Variants in DGKB observed in about 807,000 individuals in gnomAD.
The protein encoded by DGKB is 90 kDa diacylglycerol kinase.
A neutral mutation model predicts 114.3 loss-of-function variants in DGKB; 67 were observed. The observed-to-expected ratio is 0.59, with a 90% confidence interval of 0.48 to 0.72. DGKB has a LOEUF of 0.72. DGKB is among the 30% of genes least tolerant of loss of function. DGKB has a pLI of 0.00. For missense variants in DGKB, 907 were observed against 975.2 expected (o/e 0.93, Z 0.93); for synonymous variants, 398 against 323.1 (o/e 1.23, Z -2.49).
At chr7:14,932,495 A>G (rs36864) in intron 1 of DGKB, among the ~76,000 whole-genome samples, 19,277 of 152,250 alleles carry the variant, frequency 0.13, 1,654 homozygotes, top group Non-Finnish European at 0.19. Context: ...GAACATCATT[A>G]GTCAGATTAT....
intron 13 of DGKB, among the ~76,000 whole-genome samples, chr7:14,670,413 C>T (rs1319549198): frequency 1.3e-5 from 2 of 151,898 alleles, no homozygotes; most frequent in Non-Finnish European, 2.9e-5. Context: ...AGCGATTCCC[C>T]TGCCTCAGCC....
At chr7:14,205,103 G>T (rs6950022) in intron 23 of DGKB, among the ~76,000 whole-genome samples, 69,779 of 151,512 alleles carry the variant, frequency 0.46, 18,893 homozygotes, top group African/African-American at 0.76. Flanking sequence ...TAACAGCTAG[G>T]AAAATGTGAA....
chr7:14,471,700 C>T (rs2128890924), intron 21 of DGKB, among the ~76,000 whole-genome samples: 1 of 152,000 alleles, frequency 6.6e-6, no homozygotes, highest in African/African-American at 2.4e-5. Context: ...AGAATGAAGA[C>T]TCACTCTACA....
intron 23 of DGKB, among the ~76,000 whole-genome samples, chr7:14,236,459 A>T (rs1403602041): frequency 2.0e-5 from 3 of 151,932 alleles, no homozygotes. Flanking sequence ...TAATAACACT[A>T]AAGAAGAAAA....
chr7:14,402,067 T>G (rs1271517257), intron 21 of DGKB, among the ~76,000 whole-genome samples: 1 of 151,732 alleles, frequency 6.6e-6, no homozygotes. Context: ...TACTACAGAT[T>G]CTTGGGCAGG....
chr7:14,433,248 T>C (rs994018555), intron 21 of DGKB, among the ~76,000 whole-genome samples: 3 of 152,202 alleles, frequency 2.0e-5, no homozygotes, highest in Non-Finnish European at 4.4e-5. Flanking sequence ...TGAGATTAGC[T>C]GATGCCTTTT....
Position 14,580,918 on chromosome 7 carries a change from G to C in DGKB, c.1553C>G (p.Ala518Gly), listed in dbSNP as rs371813279. ...KANVGKHPPVAILPLGTGNDL... is the reference protein window; with the variant it reads ...KANVGKHPPVGILPLGTGNDL... ...ATTGCCAGTCCCAAGAGGCAGAATC[G>C]CAACTGGAGGATGCTTGCCTACATT... Residue 518 changes from alanine (A) to glycine (G), a missense_variant, in exon 19 of 26, where the codon GCG becomes GGG. Ala to Gly is a moderately conservative substitution (Grantham distance 60). Transcript: ENST00000402815. 1 of 1,603,530 alleles carries C rather than the reference G, an allele frequency of 6.2e-7. No individual in the cohort carries two copies. Among genetic ancestry groups the C allele is most frequent in the South Asian group, 1.1e-5 (1 of 89,758 alleles).
chr7:14,704,882 A>G (rs1825914033), intron 6 of DGKB, among the ~76,000 whole-genome samples: 1 of 152,284 alleles, frequency 6.6e-6, no homozygotes, highest in South Asian at 2.1e-4. Context: ...AACAGAACAG[A>G]AAAACTGGAA....
intron 23 of DGKB, among the ~76,000 whole-genome samples, chr7:14,194,093 T>C (rs1023751412): frequency 5.9e-5 from 9 of 152,142 alleles, no homozygotes; most frequent in Admixed American, 3.9e-4. Context: ...TTATATGCTG[T>C]TGGTAGCAAT....
Position 14,841,294 on chromosome 7 carries a change from G to C in DGKB, c.-31C>G, listed in dbSNP as rs1171614869. 6.3e-7 allele frequency: 1 copy of C among 1,599,868 alleles called. No individual in the cohort carries two copies. The highest frequency in any genetic ancestry group is 8.6e-7 in the Non-Finnish European group (1 of 1,168,936). The stretch of plus-strand genomic sequence containing the variant: ...TGGTGAGAAGCTCTGTCACATACCA[G>C]GTAAAAGATTCTTTATTCAGGTGTT... On this transcript the variant is annotated 5_prime_UTR_variant, in exon 2 of 26. Coordinates refer to ENST00000402815, the MANE Select transcript of DGKB (RefSeq NM_001350709.2).
chr7:14,204,529 G>C (rs994118724), intron 23 of DGKB, among the ~76,000 whole-genome samples: 12 of 151,938 alleles, frequency 7.9e-5, no homozygotes, highest in Admixed American at 4.6e-4. Context: ...TTTTAAATTG[G>C]GAAACATACA....
Position 14,378,968 on chromosome 7 carries a change from A to G in DGKB, c.1836-33577T>C, listed in dbSNP as rs961296863. Among the ~76,000 whole-genome samples, 3 of 152,134 alleles carry G rather than the reference A, an allele frequency of 2.0e-5. No homozygotes were observed. The East Asian group carries it at 5.8e-4, about 29-fold the overall frequency. On this transcript the variant is annotated intron_variant, in intron 21 of 25. Transcript: ENST00000402815. ...GTTAGCAAAACTGATTTGGATGGAT[A>G]GGAGGAAATTTTGATTAAAAATAAA...
chr7:14,634,247 A>T (rs2128857123), intron 13 of DGKB, among the ~76,000 whole-genome samples: 1 of 151,572 alleles, frequency 6.6e-6, no homozygotes, highest in South Asian at 2.1e-4. Flanking sequence ...CAGGTTAGGA[A>T]GCTGAAAATC....
At chr7:14,792,440 A>C (rs927759755) in intron 2 of DGKB, among the ~76,000 whole-genome samples, 11 of 152,170 alleles carry the variant, frequency 7.2e-5, no homozygotes, top group African/African-American at 2.4e-4. Context: ...GCCTGGGACT[A>C]GGCAAGTCTC....
Position 14,689,249 on chromosome 7 carries a change from A to G in DGKB, c.712-3887T>C, listed in dbSNP as rs573341494. 3.1e-3 allele frequency among the ~76,000 whole-genome samples: 354 copies of G among 115,950 alleles called. 3 individuals are homozygous for G. Among genetic ancestry groups the G allele is most frequent in the African/African-American group, 0.011 (335 of 30,354 alleles). 76.1% of individuals were successfully genotyped at this position (115,950 alleles called of 152,430 possible). Reference sequence around the variant, plus strand: ...TGAGAGGAGTCTCGCTCTGTCGCCCAGGCTGGAGGGCAGTGGCGCGATCTC... The same window carrying G: ...TGAGAGGAGTCTCGCTCTGTCGCCCGGGCTGGAGGGCAGTGGCGCGATCTC... On this transcript the variant is annotated intron_variant, in intron 9 of 25. Transcript: ENST00000402815.
chr7:14,405,938 G>T (rs1240134695), intron 21 of DGKB, among the ~76,000 whole-genome samples: 1 of 151,998 alleles, frequency 6.6e-6, no homozygotes. Context: ...AGCAACACAA[G>T]ATTCGCAACA....
chr7:14,928,522 T>G (rs1784853489), intron 1 of DGKB, among the ~76,000 whole-genome samples: 1 of 152,004 alleles, frequency 6.6e-6, no homozygotes, highest in Non-Finnish European at 1.5e-5. Flanking sequence ...CTATATTAAC[T>G]TCTCCAGTGC....
At chr7:14,826,236 G>C (rs932294597) in intron 2 of DGKB, among the ~76,000 whole-genome samples, 3 of 152,078 alleles carry the variant, frequency 2.0e-5, no homozygotes, top group Non-Finnish European at 4.4e-5. Flanking sequence ...GGAAGCTTCT[G>C]CCTATAACTT....
chr7:14,675,218 A>G (rs1293112295), intron 12 of DGKB, among the ~76,000 whole-genome samples: 1 of 152,128 alleles, frequency 6.6e-6, no homozygotes, highest in Non-Finnish European at 1.5e-5. Flanking sequence ...GTGACTCTGA[A>G]GGCCACAGGG....
Sources: gnomAD v4.1 joint callset for allele counts (sites outside exome capture counted in the v4.1 genomes callset) on GRCh38, gnomAD v4.1.1 for gene constraint, MANE v1.5 for transcripts, NCBI Gene and HGNC (gene_info 2026-07-23, HGNC 2026-07-21) for gene names.